Variants in UGT1A10 observed in about 807,000 individuals in gnomAD.
UGT1A10 encodes UDP-glucuronosyltransferase 1A10.
Under a neutral mutation model 45.8 loss-of-function variants are expected in UGT1A10, and 49 were observed. The ratio of observed to expected loss-of-function variants is 1.07; its 90% CI spans 0.85 to 1.36. The LOEUF (loss-of-function observed/expected upper bound fraction) is 1.36, where lower values mean the gene tolerates loss of function less well. Ranked by LOEUF, UGT1A10 falls within the 40% of genes most tolerant of loss-of-function variation. UGT1A10 has a pLI of 0.00. For synonymous variants in UGT1A10, 284 were observed against 249.7 expected (o/e 1.14, Z -1.29); for missense variants, 745 against 668.6 (o/e 1.11, Z -1.26).
chr2:233,704,074 A>G (rs2075766194), intron 1 of UGT1A10, among the ~76,000 whole-genome samples: 1 of 151,960 alleles, frequency 6.6e-6, no homozygotes, highest in Admixed American at 6.6e-5. Flanking sequence ...TATTTTTTAT[A>G]GAGACAGAGT....
chr2:233,651,046 T>A (rs746687785), intron 1 of UGT1A10, among the ~76,000 whole-genome samples: 4 of 152,212 alleles, frequency 2.6e-5, no homozygotes, highest in Non-Finnish European at 5.9e-5. Flanking sequence ...AATGAAATAA[T>A]GTAAAAAACA....
At chr2:233,659,882 C>T (rs955564905) in intron 1 of UGT1A10, among the ~76,000 whole-genome samples, 1 of 152,190 alleles carries the variant, frequency 6.6e-6, no homozygotes, top group Non-Finnish European at 1.5e-5. Context: ...TCTGACACTG[C>T]TTCTTCTGTA....
Position 233,772,326 on chromosome 2 carries a change from C to T in UGT1A10, c.1360C>T (p.Leu454=), listed in dbSNP as rs767264478. The stretch of plus-strand genomic sequence containing the variant: ...GGACCGCCCGGTGGAGCCGCTGGAC[C>T]TGGCCGTGTTCTGGGTGGAGTTTGT... ...HKDRPVEPLD[L]AVFWVEFVMR... The change falls in exon 5 of 5, where the codon CTG becomes TTG. Residue 454 remains leucine, a synonymous_variant. Coordinates refer to ENST00000344644, the MANE Select transcript of UGT1A10 (RefSeq NM_019075.4). 1 of 1,614,166 alleles carries T rather than the reference C, an allele frequency of 6.2e-7. No homozygotes were observed. The highest frequency in any genetic ancestry group is 2.2e-5 in the East Asian group (1 of 44,878).
At chr2:233,711,745 G>A (rs991588620) in intron 1 of UGT1A10, among the ~76,000 whole-genome samples, 1 of 152,212 alleles carries the variant, frequency 6.6e-6, no homozygotes, top group Non-Finnish European at 1.5e-5. Flanking sequence ...GACACGGCCA[G>A]GCATGTAGAC....
intron 1 of UGT1A10, among the ~76,000 whole-genome samples, chr2:233,703,008 A>G (rs1220956352): frequency 6.6e-6 from 1 of 152,230 alleles, no homozygotes; most frequent in African/African-American, 2.4e-5. Flanking sequence ...TTTTGGGAAC[A>G]GTCTGTCAAG....
At chr2:233,672,347 A>G (rs1466051735) in intron 1 of UGT1A10, 2 of 1,614,166 alleles carry the variant, frequency 1.2e-6, no homozygotes, top group Non-Finnish European at 1.7e-6. Flanking sequence ...GAATACTTAA[A>G]GGAGAGTTCT....
At chr2:233,719,369 G>A (rs779205273) in intron 1 of UGT1A10, 113 of 1,613,764 alleles carry the variant, frequency 7.0e-5, no homozygotes, top group Non-Finnish European at 9.2e-5. Flanking sequence ...TAGACTTTAA[G>A]GGCACACAGT....
chr2:233,754,940 G>C (rs777236330), intron 1 of UGT1A10: 1 of 1,335,680 alleles, frequency 7.5e-7, no homozygotes, highest in Admixed American at 1.9e-5. Flanking sequence ...GGTCAAAGGA[G>C]AATGGGTCCC....
intron 1 of UGT1A10, chr2:233,747,285 C>T: frequency 6.2e-7 from 1 of 1,601,074 alleles, no homozygotes. Flanking sequence ...GTGCCCAGCC[C>T]TGGGCTGAGA....
intron 1 of UGT1A10, chr2:233,682,795 A>G (rs756686754): frequency 4.3e-6 from 7 of 1,611,214 alleles, no homozygotes; most frequent in Admixed American, 1.7e-5. Flanking sequence ...TGCCTATGGT[A>G]AGTTATCTCC....
chr2:233,767,710 G>A, intron 2 of UGT1A10, 139 bp from the exon 3 acceptor site: 1 of 1,527,870 alleles, frequency 6.5e-7, no homozygotes, highest in Non-Finnish European at 8.8e-7. Context: ...GTCCTCAGAA[G>A]CCTTCACAGT....
At chr2:233,691,705 C>A (rs1249227903) in intron 1 of UGT1A10, 2 of 943,176 alleles carry the variant, frequency 2.1e-6, no homozygotes, top group African/African-American at 1.8e-5. Flanking sequence ...AGGAGTCACT[C>A]CCCTGGCAGA....
chr2:233,700,834 T>C (rs1000855869), intron 1 of UGT1A10, among the ~76,000 whole-genome samples: 1 of 152,120 alleles, frequency 6.6e-6, no homozygotes, highest in Admixed American at 6.5e-5. Flanking sequence ...AACTCGTCAT[T>C]TAGCATTAGG....
At chr2:233,723,984 CCGCCTTTCT>C (rs1314945551) in intron 1 of UGT1A10, among the ~76,000 whole-genome samples, 116 of 66,216 alleles carry the variant, frequency 1.8e-3, no homozygotes, top group South Asian at 2.6e-3. Context: ...CCCACCTTTC[CCGCCTTTCT>C]ATTCCACAAA....
At chr2:233,709,223 G>A (rs546469798) in intron 1 of UGT1A10, among the ~76,000 whole-genome samples, 3 of 152,258 alleles carry the variant, frequency 2.0e-5, no homozygotes, top group Non-Finnish European at 4.4e-5. Flanking sequence ...TGAGAGTTTG[G>A]GGGAGGGGTG....
intron 1 of UGT1A10, among the ~76,000 whole-genome samples, chr2:233,702,287 A>G (rs1181486137): frequency 6.6e-6 from 1 of 152,220 alleles, no homozygotes. Context: ...CCTTTAGCAT[A>G]AAGAGTTTTG....
chr2:233,656,550 T>A (rs940185061), intron 1 of UGT1A10, among the ~76,000 whole-genome samples: 3 of 152,228 alleles, frequency 2.0e-5, no homozygotes, highest in African/African-American at 7.2e-5. Flanking sequence ...ATTCTTTAAG[T>A]GTAGGCGCCC....
intron 1 of UGT1A10, chr2:233,690,481 G>C (rs1415950163): frequency 7.8e-7 from 1 of 1,288,704 alleles, no homozygotes; most frequent in Non-Finnish European, 1.0e-6. Flanking sequence ...TACTTTTTGG[G>C]AAATCTGCTC....
chr2:233,755,767 T>C (rs1575738311), intron 1 of UGT1A10: 1 of 152,920 alleles, frequency 6.5e-6, no homozygotes, highest in African/African-American at 2.4e-5. Context: ...CTTTTGTTCA[T>C]CTGGATTATG....
Sources: allele counts gnomAD v4.1 joint callset (sites outside exome capture counted in the v4.1 genomes callset), GRCh38; gene constraint gnomAD v4.1.1; transcripts MANE v1.5; gene names NCBI Gene and HGNC (gene_info 2026-07-23, HGNC 2026-07-21).